MCCC2: variants seen among roughly 807,000 people sequenced by gnomAD.
The protein encoded by MCCC2 is methylcrotonoyl-CoA carboxylase beta chain, mitochondrial.
In MCCC2, 52 loss-of-function variants were observed where a neutral mutation model predicts 77.2. That is an observed-to-expected ratio of 0.67 (90% CI 0.54 to 0.85). The LOEUF is 0.85. MCCC2 is among the 40% of genes least tolerant of loss of function. MCCC2 has a pLI of 0.00. For synonymous variants in MCCC2, 253 were observed against 248.4 expected (o/e 1.02, Z -0.18); for missense variants, 682 against 703.2 (o/e 0.97, Z 0.34).
intron 6 of MCCC2, among the ~76,000 whole-genome samples, chr5:71,606,018 A>C (rs576708945): frequency 1.3e-5 from 2 of 152,188 alleles, no homozygotes; most frequent in South Asian, 4.1e-4. Context: ...TGATGCCTCC[A>C]GCTTTGTTCT....
chr5:71,600,300 G>A (rs1745372861), intron 4 of MCCC2, among the ~76,000 whole-genome samples: 1 of 152,114 alleles, frequency 6.6e-6, no homozygotes. Flanking sequence ...GTATAAAGTA[G>A]TACTTAATTA....
At chr5:71,644,872 A>G (rs1264366845) in intron 12 of MCCC2, among the ~76,000 whole-genome samples, 1 of 152,168 alleles carries the variant, frequency 6.6e-6, no homozygotes, top group African/African-American at 2.4e-5. Context: ...TTATAAAATG[A>G]GAACAAGAAA....
rs1401916307 is a variant in MCCC2 at position 71,626,808 on chromosome 5, C to A, written c.738+55C>A. The A allele has an allele frequency of 4.2e-6, 6 of 1,420,556 alleles. No individual in the cohort carries two copies. In the Admixed American group the frequency reaches 1.0e-4, roughly 24 times the overall value. 88.0% of individuals were successfully genotyped at this position (1,420,556 alleles called of 1,614,324 possible). A position where few individuals can be genotyped will look rare whatever the true frequency, so the allele number is the denominator to read the frequency against. The stretch of plus-strand genomic sequence containing the variant: ...AATTAAGTATGCAGAACATAAAATA[C>A]ACCATTTAAACTATTTTTTGATGTT... On this transcript the variant is annotated intron_variant, in intron 7 of 16. Transcript: ENST00000340941.
rs34050987 is a variant in MCCC2, at chr5:71,614,484, C to CTT, written c.624+10030_624+10031dup. ...AGTGAGACCCCATCTCTCTCTCTCT[C>CTT]TTTTTTTTTTTTTTTGAGATGGAGT... On this transcript the variant is annotated intron_variant, in intron 6 of 16. Coordinates refer to ENST00000340941, the MANE Select transcript of MCCC2 (RefSeq NM_022132.5). Among the ~76,000 whole-genome samples the CTT allele has an allele frequency of 4.7e-3, 648 of 139,170 alleles. 7 individuals carry two copies. Among genetic ancestry groups the CTT allele is most frequent in the African/African-American group, 0.013 (498 of 37,978 alleles). The allele number at this position is 139,170 out of a possible 152,430, so 91.3% of individuals were successfully genotyped here. A position where few individuals can be genotyped will look rare whatever the true frequency, so the allele number is the denominator to read the frequency against.
rs1324187545 is a variant in MCCC2 at position 71,587,379 on chromosome 5, C to T, written c.-47C>T. ...CCAGGGAAGCGGCAGGGGAAAGCAC[C>T]GGCTCCAGGCCAGCGTGGGCCGCTC... On this transcript the variant is annotated 5_prime_UTR_variant, in exon 1 of 17. Transcript: ENST00000340941. 2 of 1,526,110 alleles carry T rather than the reference C, an allele frequency of 1.3e-6. No individual in the cohort carries two copies. The highest frequency in any genetic ancestry group is 1.4e-5 in the African/African-American group (1 of 72,308). 94.5% of individuals were successfully genotyped at this position (1,526,110 alleles called of 1,614,324 possible).
intron 8 of MCCC2, among the ~76,000 whole-genome samples, chr5:71,632,438 T>G (rs1302050719): frequency 1.3e-5 from 2 of 152,216 alleles, no homozygotes. Flanking sequence ...GCACCTGTTA[T>G]GTAGCAGGCA....
At chr5:71,627,501 G>A (rs964758803) in intron 7 of MCCC2, among the ~76,000 whole-genome samples, 2 of 152,168 alleles carry the variant, frequency 1.3e-5, no homozygotes, top group African/African-American at 4.8e-5. Flanking sequence ...CATTTAGGTT[G>A]CTTCTGCTTT....
intron 6 of MCCC2, among the ~76,000 whole-genome samples, chr5:71,605,373 A>G (rs1745629411): frequency 6.6e-6 from 1 of 151,790 alleles, no homozygotes; most frequent in Non-Finnish European, 1.5e-5. Context: ...GGCTGCATAA[A>G]TGTCTTCTTC....
chr5:71,641,280 T>C, intron 11 of MCCC2: 2 of 580,972 alleles, frequency 3.4e-6, no homozygotes, highest in East Asian at 3.0e-5. Flanking sequence ...AAAATGTTAA[T>C]AGCTAGATGC....
chr5:71,596,887 A>C (rs1330623575), intron 3 of MCCC2, among the ~76,000 whole-genome samples: 2 of 151,828 alleles, frequency 1.3e-5, no homozygotes, highest in Non-Finnish European at 2.9e-5. Context: ...TTGCAGTGAG[A>C]CGAGATTGTG....
At chr5:71,621,084 T>C (rs897335004) in intron 6 of MCCC2, among the ~76,000 whole-genome samples, 10 of 152,242 alleles carry the variant, frequency 6.6e-5, no homozygotes, top group Non-Finnish European at 1.0e-4. Flanking sequence ...ATGCATCTTA[T>C]GTCTTTTCAG....
At chr5:71,610,673 A>G (rs577102058) in intron 6 of MCCC2, among the ~76,000 whole-genome samples, 1 of 152,372 alleles carries the variant, frequency 6.6e-6, no homozygotes, top group Admixed American at 6.5e-5. Context: ...GAATACTCCT[A>G]TACTGTAATA....
chr5:71,608,596 TG>T (rs1190147662), intron 6 of MCCC2, among the ~76,000 whole-genome samples: 3 of 152,048 alleles, frequency 2.0e-5, no homozygotes, highest in Non-Finnish European at 2.9e-5. Context: ...AATATTGTTA[TG>T]TGTGAATTTG....
chr5:71,646,442 G>A (rs896209898), intron 13 of MCCC2, among the ~76,000 whole-genome samples, 165 bp downstream of exon 13: 2 of 152,120 alleles, frequency 1.3e-5, no homozygotes, highest in Non-Finnish European at 2.9e-5. Context: ...TTTTCTTCAT[G>A]CATGTTAAAT....
chr5:71,622,792 A>G (rs1361398177), intron 6 of MCCC2, among the ~76,000 whole-genome samples: 1 of 152,106 alleles, frequency 6.6e-6, no homozygotes, highest in African/African-American at 2.4e-5. Context: ...GGCATGTGCT[A>G]CCCTGCTTGG....
chr5:71,621,985 T>A (rs1580306551), intron 6 of MCCC2, among the ~76,000 whole-genome samples: 1 of 152,140 alleles, frequency 6.6e-6, no homozygotes. Context: ...TGCATGCCTG[T>A]ATCAAAACAT....
At chr5:71,639,922 TCA>T (rs1287269730) in intron 10 of MCCC2, among the ~76,000 whole-genome samples, 32 of 152,332 alleles carry the variant, frequency 2.1e-4, no homozygotes, top group African/African-American at 7.2e-4. Flanking sequence ...AAGCATTCAC[TCA>T]GTTTTCAGCC....
chr5:71,591,364 C>T (rs1744969113), intron 1 of MCCC2, among the ~76,000 whole-genome samples: 1 of 151,412 alleles, frequency 6.6e-6, no homozygotes, highest in Non-Finnish European at 1.5e-5. Context: ...CTCTTTTCTA[C>T]TTCTCACTGT....
intron 7 of MCCC2, 111 bp downstream of exon 7, chr5:71,626,864 C>A: frequency 9.8e-7 from 1 of 1,023,338 alleles, no homozygotes; most frequent in Non-Finnish European, 1.5e-6. Flanking sequence ...ATATGCATAA[C>A]ATAAAACTTA....
Sources: gnomAD v4.1 joint callset for allele counts (sites outside exome capture counted in the v4.1 genomes callset) on GRCh38, gnomAD v4.1.1 for gene constraint, MANE v1.5 for transcripts, NCBI Gene and HGNC (gene_info 2026-07-23, HGNC 2026-07-21) for gene names.